REL: variants seen among roughly 807,000 people sequenced by gnomAD.
REL encodes the protein proto-oncogene c-Rel.
In REL, 15 loss-of-function variants were observed where a neutral mutation model predicts 45.9. The observed-to-expected ratio is 0.33, with a 90% CI of 0.22 to 0.50. REL has a LOEUF of 0.50. Among genes scored for constraint, REL ranks in the 20% least tolerant of loss-of-function variants. The probability of loss-of-function intolerance (pLI) is 0.98; values close to 1 mark genes in which losing one functional copy is unlikely to be tolerated. For synonymous variants in REL, 239 were observed against 242.1 expected (o/e 0.99, Z 0.12); for missense variants, 601 against 715.2 (o/e 0.84, Z 1.82).
In REL at chr2:60,897,598, G is replaced by T. The variant is rs556621915; in HGVS notation, c.302+3053G>T. On this transcript the variant is annotated intron_variant, in intron 3 of 9. Coordinates refer to ENST00000394479, the MANE Select transcript of REL (RefSeq NM_001291746.2). ...GCTGAGATTACAGGCATGAGCCACC[G>T]TGCCTGGCCAACTTGTGCTTTGCTT... Among the ~76,000 whole-genome samples the T allele has an allele frequency of 2.0e-5, 3 of 152,122 alleles. No individual in the cohort carries two copies. The South Asian group carries it at 6.2e-4, about 32-fold the overall frequency.
intron 4 of REL, among the ~76,000 whole-genome samples, chr2:60,912,803 T>A (rs1009783458): frequency 5.9e-5 from 9 of 152,008 alleles, no homozygotes; most frequent in South Asian, 2.1e-4. Flanking sequence ...TAAGGAAATA[T>A]GCGACTTTAG....
rs767394966 is a variant in REL at position 60,922,244 on chromosome 2, A to G, written c.1473A>G (p.Ser491=). The G allele has an allele frequency of 5.0e-6, 8 of 1,614,060 alleles. No homozygotes were observed. Among genetic ancestry groups the G allele is most frequent in the Non-Finnish European group, 6.8e-6 (8 of 1,180,022 alleles). ...RLLSMNLENP[S]CNSVLDPRDL... Reference sequence around the variant, plus strand: ...TGAGCATGAATCTTGAAAACCCCTCATGTAATTCAGTGTTAGACCCAAGAG... The same window carrying G: ...TGAGCATGAATCTTGAAAACCCCTCGTGTAATTCAGTGTTAGACCCAAGAG... Residue 491 remains serine (S), a synonymous_variant, in exon 10 of 10, where the codon TCA becomes TCG. Coordinates refer to ENST00000394479, the MANE Select transcript of REL (RefSeq NM_001291746.2).
At chr2:60,898,163 T>C (rs1673403094) in intron 3 of REL, among the ~76,000 whole-genome samples, 1 of 152,238 alleles carries the variant, frequency 6.6e-6, no homozygotes, top group African/African-American at 2.4e-5. Context: ...TGACTGGTCT[T>C]GCATTAACCA....
Position 60,926,761 on chromosome 2 carries a change from A to G in REL, c.*4226A>G, listed in dbSNP as rs1674278297. ...TCAAAGTATTGTATTCTTTTTCTCC[A>G]TCACACTCATACTTAATCATCAAGT... On this transcript the variant is annotated 3_prime_UTR_variant, in exon 10 of 10. Coordinates refer to ENST00000394479, the MANE Select transcript of REL (RefSeq NM_001291746.2). 3 of 227,648 alleles carry G rather than the reference A, an allele frequency of 1.3e-5. No individual in the cohort carries two copies. Among genetic ancestry groups the G allele is most frequent in the Non-Finnish European group, 2.6e-5 (3 of 114,618 alleles). The allele number at this position is 227,648 out of a possible 1,614,324, so 14.1% of individuals were successfully genotyped here.
chr2:60,889,464 TA>T (rs1673153149), intron 1 of REL, among the ~76,000 whole-genome samples: 2 of 152,150 alleles, frequency 1.3e-5, no homozygotes, highest in South Asian at 2.1e-4. Context: ...CATTTTTTTT[TA>T]TTTTTTATTT....
chr2:60,895,767 G>C (rs993999203), intron 3 of REL, among the ~76,000 whole-genome samples: 3 of 152,164 alleles, frequency 2.0e-5, no homozygotes, highest in African/African-American at 7.2e-5. Flanking sequence ...TAGGAGTTTA[G>C]CCTCAGAAAA....
intron 2 of REL, among the ~76,000 whole-genome samples, chr2:60,892,818 G>C (rs1277728194): frequency 6.6e-6 from 1 of 151,850 alleles, no homozygotes; most frequent in African/African-American, 2.4e-5. Context: ...GCAGTGGCGT[G>C]ATCTCAGCTC....
intron 3 of REL, among the ~76,000 whole-genome samples, chr2:60,896,795 A>T (rs749609196): frequency 1.3e-5 from 2 of 152,182 alleles, no homozygotes; most frequent in Non-Finnish European, 2.9e-5. Context: ...TCTTAGTTAC[A>T]GGCAGTTAAA....
At chr2:60,912,332 A>G (rs1258445160) in intron 4 of REL, among the ~76,000 whole-genome samples, 1 of 152,150 alleles carries the variant, frequency 6.6e-6, no homozygotes, top group African/African-American at 2.4e-5. Flanking sequence ...TTATTTCAAT[A>G]TTTAATATTG....
Position 60,921,926 on chromosome 2 carries a change from C to T in REL, c.1155C>T (p.His385=), listed in dbSNP as rs1243946990. The T allele has an allele frequency of 6.2e-7, 1 of 1,614,078 alleles. No homozygotes were observed. Among genetic ancestry groups the T allele is most frequent in the African/African-American group, 1.3e-5 (1 of 75,002 alleles). ...LPSSSWSSVA[H]PTPRSGNTNP... ...CTTCAAGCTGGTCATCAGTGGCCCA[C>T]CCCACCCCACGCTCAGGCAATACAA... The change falls in exon 10 of 10, where the codon CAC becomes CAT. Residue 385 remains histidine (H), a synonymous_variant. Coordinates refer to ENST00000394479, the MANE Select transcript of REL (RefSeq NM_001291746.2).
At chr2:60,909,764 G>A (rs1206282676) in intron 4 of REL, among the ~76,000 whole-genome samples, 1 of 152,130 alleles carries the variant, frequency 6.6e-6, no homozygotes, top group Non-Finnish European at 1.5e-5. Flanking sequence ...AGCTGGGCAT[G>A]GTGGCGTGCA....
In REL at chr2:60,928,273, C is replaced by G. The variant is rs532021351; in HGVS notation, c.*5738C>G. 668 of 155,124 alleles carry G rather than the reference C, an allele frequency of 4.3e-3. 3 individuals carry two copies. Among genetic ancestry groups the G allele is most frequent in the African/African-American group, 0.015 (627 of 41,566 alleles). 9.6% of individuals were successfully genotyped at this position (155,124 alleles called of 1,614,324 possible). A position where few individuals can be genotyped will look rare whatever the true frequency, so the allele number is the denominator to read the frequency against. Reference sequence around the variant, plus strand: ...CCAAGGTAATTTACAGATTCAGTGCCATCCCCATCAAGCTACCAATGCCTT... The same window carrying G: ...CCAAGGTAATTTACAGATTCAGTGCGATCCCCATCAAGCTACCAATGCCTT... On this transcript the variant is annotated 3_prime_UTR_variant, in exon 10 of 10. Coordinates refer to ENST00000394479, the MANE Select transcript of REL (RefSeq NM_001291746.2).
At position 60,886,136 on chromosome 2, in the gene REL, G is replaced by A. The variant is rs1247534744; in HGVS notation, c.10+4286G>A. On this transcript the variant is annotated intron_variant, in intron 1 of 9. Transcript: ENST00000394479. ...TTAAGACAATTATTCTTAATCAGGA[G>A]TGTGTTAGAATTTCTTGGAAGGCTT... 3.9e-5 allele frequency among the ~76,000 whole-genome samples: 6 copies of A among 152,274 alleles called. No individual in the cohort carries two copies. In the East Asian group the frequency reaches 9.6e-4, roughly 24 times the overall value.
intron 2 of REL, among the ~76,000 whole-genome samples, chr2:60,892,765 A>T (rs901033387): frequency 2.1e-5 from 3 of 140,804 alleles, no homozygotes; most frequent in African/African-American, 7.9e-5. Context: ...TTTATTTTTT[A>T]TTTTTTTGAG....
chr2:60,899,430 G>A (rs1232279390), intron 3 of REL: 1 of 152,244 alleles, frequency 6.6e-6, no homozygotes, highest in Non-Finnish European at 1.5e-5. Context: ...GTTGCAGTGA[G>A]CCGGTATGGT....
At position 60,894,442 on chromosome 2, in the gene REL, A is replaced by G; in HGVS notation, c.199A>G (p.Thr67Ala). 1 of 1,591,584 alleles carries G rather than the reference A, an allele frequency of 6.3e-7. No homozygotes were observed. The highest frequency in any genetic ancestry group is 8.6e-7 in the Non-Finnish European group (1 of 1,166,180). Residue 67 changes from threonine (T) to alanine (A), a missense_variant, in exon 3 of 10, where the codon ACA becomes GCA. Thr to Ala is a moderately conservative substitution (Grantham distance 58). This residue lies in a region of REL where 241 missense variants were observed against 347.0 expected (regional missense o/e 0.69). Coordinates refer to ENST00000394479, the MANE Select transcript of REL (RefSeq NM_001291746.2). ...AGGAAAAGTGAGAATTACATTAGTA[A>G]CAAAGAATGACCCATATAAACCTCA... ...GKGKVRITLVTKNDPYKPHPH... is the reference protein window; with the variant it reads ...GKGKVRITLVAKNDPYKPHPH...
Position 60,908,830 on chromosome 2 carries a change from G to T in REL, c.394+7747G>T, listed in dbSNP as rs145958459. 3.8e-3 allele frequency among the ~76,000 whole-genome samples: 582 copies of T among 152,272 alleles called. 2 individuals carry two copies. The highest frequency in any genetic ancestry group is 0.031 in the Middle Eastern group (9 of 292). ...TGAGTTGTTATGAGAGTAAAAGGCT[G>T]CTATACAGTTGAGTTTGGGAAAACT... On this transcript the variant is annotated intron_variant, in intron 4 of 9. Coordinates refer to ENST00000394479, the MANE Select transcript of REL (RefSeq NM_001291746.2).
intron 8 of REL, 152 bp downstream of exon 8, chr2:60,920,261 G>A: frequency 1.5e-6 from 1 of 665,316 alleles, no homozygotes; most frequent in Non-Finnish European, 2.6e-6. Context: ...GAGTGCAGTA[G>A]GGCAATCTCA....
intron 1 of REL, 43 bp from the exon 2 acceptor site, chr2:60,891,640 T>G (rs1204732810): frequency 7.0e-7 from 1 of 1,424,892 alleles, no homozygotes; most frequent in African/African-American, 1.5e-5. Flanking sequence ...TATTAATTGC[T>G]ATATTAATCT....
Sources: allele counts gnomAD v4.1 joint callset (sites outside exome capture counted in the v4.1 genomes callset), GRCh38; gene constraint gnomAD v4.1.1; regional missense constraint gnomAD v4.1.1; transcripts MANE v1.5; gene names NCBI Gene and HGNC (gene_info 2026-07-23, HGNC 2026-07-21).